Variants in GOLIM4 observed in about 807,000 individuals in gnomAD.
GOLIM4 encodes the protein golgi integral membrane protein 4.
Under a neutral mutation model 107.4 loss-of-function variants are expected in GOLIM4, and 71 were observed. The ratio of observed to expected loss-of-function variants is 0.66; its 90% CI spans 0.55 to 0.81. GOLIM4 has a LOEUF of 0.81. Among genes scored for constraint, GOLIM4 ranks in the 30% least tolerant of loss-of-function variants. The pLI is 0.00. For synonymous variants in GOLIM4, 327 were observed against 294.8 expected (o/e 1.11, Z -1.12); for missense variants, 830 against 826.1 (o/e 1.00, Z -0.06).
chr3:168,040,950 C>T, intron 6 of GOLIM4, 81 bp from the exon 7 acceptor site: 2 of 849,828 alleles, frequency 2.4e-6, no homozygotes, highest in Non-Finnish European at 2.0e-6. Context: ...TATGGCTACC[C>T]AAATGTTACT....
intron 11 of GOLIM4, among the ~76,000 whole-genome samples, chr3:168,028,269 G>T: frequency 6.6e-6 from 1 of 152,120 alleles, no homozygotes; most frequent in East Asian, 1.9e-4. Context: ...CATCTGTGGA[G>T]CTCAGAAACA....
intron 1 of GOLIM4, among the ~76,000 whole-genome samples, chr3:168,090,985 T>C (rs373976128): frequency 6.6e-6 from 1 of 152,090 alleles, no homozygotes; most frequent in African/African-American, 2.4e-5. Context: ...CACATGGACA[T>C]AGAGAGTGGA....
Position 168,029,870 on chromosome 3 carries a change from TC to T in GOLIM4, c.1342del (p.Glu448AsnfsTer98), listed in dbSNP as rs756995681. 1.2e-6 allele frequency: 2 copies of T among 1,613,990 alleles called. No individual in the cohort carries two copies. On this transcript the variant is annotated frameshift_variant, in exon 10 of 16. Coordinates refer to ENST00000470487, the MANE Select transcript of GOLIM4 (RefSeq NM_014498.5). LOFTEE classifies it high-confidence loss of function. ...TCTTGCCACCTGCTGCTGCTGCTGT[TC>T]CTGCTGCCGTAGTAAGTGCCCCTGC... The part of the protein sequence containing the change: ...RLQGHLLRQQ[E>X]QQQQQVAREM...
chr3:168,035,438 C>T (rs1178476302), intron 8 of GOLIM4, among the ~76,000 whole-genome samples: 1 of 152,168 alleles, frequency 6.6e-6, no homozygotes, highest in Admixed American at 6.5e-5. Flanking sequence ...AAATGTGATA[C>T]ATAAACACCA....
At chr3:168,083,300 A>T (rs1721465582) in intron 1 of GOLIM4, among the ~76,000 whole-genome samples, 1 of 152,216 alleles carries the variant, frequency 6.6e-6, no homozygotes, top group Non-Finnish European at 1.5e-5. Context: ...TCTCCTATCA[A>T]ATAAAACTTC....
intron 1 of GOLIM4, among the ~76,000 whole-genome samples, chr3:168,052,852 T>C (rs1477221853): frequency 6.6e-6 from 1 of 152,190 alleles, no homozygotes; most frequent in Non-Finnish European, 1.5e-5. Flanking sequence ...AAAAGCTATA[T>C]ATTGAATATT....
At chr3:168,055,169 A>T (rs1719873693) in intron 1 of GOLIM4, among the ~76,000 whole-genome samples, 1 of 152,112 alleles carries the variant, frequency 6.6e-6, no homozygotes, top group South Asian at 2.1e-4. Context: ...AAAATGTAGA[A>T]ATGACTTTGG....
chr3:168,085,557 G>A (rs1015631756), intron 1 of GOLIM4, among the ~76,000 whole-genome samples: 1 of 152,192 alleles, frequency 6.6e-6, no homozygotes, highest in African/African-American at 2.4e-5. Context: ...GGACCAAAAG[G>A]GGTAGAAGCA....
In GOLIM4 at chr3:168,095,361, G is replaced by C; in HGVS notation, c.-76C>G. The C allele has an allele frequency of 7.6e-7, 1 of 1,318,892 alleles. No homozygotes were observed. The highest frequency in any genetic ancestry group is 1.1e-6 in the Non-Finnish European group (1 of 946,042). 81.7% of individuals were successfully genotyped at this position (1,318,892 alleles called of 1,614,324 possible). On this transcript the variant is annotated 5_prime_UTR_variant, in exon 1 of 16. Transcript: ENST00000470487. ...GGTCCGAGCGAGCGTCTCAGCAGCG[G>C]CCGCCGCAGTAGGTGGCCAGACGCA... is the stretch of plus-strand genomic sequence containing the variant.
chr3:168,083,462 G>T (rs973298475), intron 1 of GOLIM4, among the ~76,000 whole-genome samples: 5 of 152,146 alleles, frequency 3.3e-5, no homozygotes, highest in African/African-American at 1.2e-4. Flanking sequence ...ATGAACTACT[G>T]ACTGGGTTTA....
chr3:168,050,957 T>C lies in GOLIM4; in HGVS notation c.188-2592A>G, dbSNP rs190940289. 1.3e-3 allele frequency among the ~76,000 whole-genome samples: 204 copies of C among 151,946 alleles called. No individual in the cohort carries two copies. The Middle Eastern group carries it at 0.024, about 18-fold the overall frequency. ...ACCTCAGACTAAATATTAAACATTA[T>C]TGTAGAAGGTCAAGGATAGAGGGGA... On this transcript the variant is annotated intron_variant, in intron 1 of 15. Coordinates refer to ENST00000470487, the MANE Select transcript of GOLIM4 (RefSeq NM_014498.5).
chr3:168,035,037 CAA>C (rs796736692), intron 8 of GOLIM4, among the ~76,000 whole-genome samples: 9,125 of 66,528 alleles, frequency 0.14, 873 homozygotes, highest in African/African-American at 0.33. Flanking sequence ...AACAATCATA[CAA>C]AAAAAAAAAA....
chr3:168,046,785 C>T (rs1577536853), intron 3 of GOLIM4, among the ~76,000 whole-genome samples, 165 bp downstream of exon 3: 2 of 149,606 alleles, frequency 1.3e-5, no homozygotes, highest in East Asian at 3.9e-4. Context: ...TAAAGTCTTC[C>T]TCTTAGAATT....
chr3:168,062,406 T>C (rs1031846083), intron 1 of GOLIM4, among the ~76,000 whole-genome samples: 2 of 152,056 alleles, frequency 1.3e-5, no homozygotes, highest in Admixed American at 1.3e-4. Flanking sequence ...TGGGGCTTTT[T>C]TTTTTTTTAG....
At chr3:168,044,999 T>A in intron 3 of GOLIM4, 118 bp from the exon 4 acceptor site, 1 of 573,052 alleles carries the variant, frequency 1.7e-6, no homozygotes, top group Non-Finnish European at 3.0e-6. Context: ...GTAAAATGAA[T>A]TCTACATTTG....
chr3:168,074,392 C>T (rs1348745911), intron 1 of GOLIM4, among the ~76,000 whole-genome samples: 1 of 152,088 alleles, frequency 6.6e-6, no homozygotes, highest in Non-Finnish European at 1.5e-5. Flanking sequence ...TAGTTGAAAT[C>T]TGAGCAGAGG....
intron 1 of GOLIM4, among the ~76,000 whole-genome samples, chr3:168,049,200 C>T (rs1056436838): frequency 1.3e-5 from 2 of 152,152 alleles, no homozygotes; most frequent in Admixed American, 1.3e-4. Flanking sequence ...TACCACAACA[C>T]TCCTTCCCAC....
At chr3:168,087,967 T>A (rs1032743842) in intron 1 of GOLIM4, among the ~76,000 whole-genome samples, 2 of 152,164 alleles carry the variant, frequency 1.3e-5, no homozygotes, top group Non-Finnish European at 2.9e-5. Context: ...CAAAGAACAC[T>A]GGCTAAAAAG....
intron 1 of GOLIM4, among the ~76,000 whole-genome samples, chr3:168,081,119 A>G (rs1189437843): frequency 1.3e-5 from 2 of 152,228 alleles, no homozygotes; most frequent in Admixed American, 6.5e-5. Context: ...CTTACACCCC[A>G]GAATGCAGAC....
Sources: gnomAD v4.1 joint callset for allele counts (sites outside exome capture counted in the v4.1 genomes callset) on GRCh38, gnomAD v4.1.1 for gene constraint, MANE v1.5 for transcripts, NCBI Gene and HGNC (gene_info 2026-07-23, HGNC 2026-07-21) for gene names.